GRIN3A: variants seen among roughly 807,000 people sequenced by gnomAD.
GRIN3A encodes the protein glutamate receptor ionotropic, NMDA 3A.
Under a neutral mutation model 92.4 loss-of-function variants are expected in GRIN3A, and 47 were observed. The ratio of observed to expected loss-of-function variants is 0.51; its 90% CI spans 0.40 to 0.65. The LOEUF (loss-of-function observed/expected upper bound fraction) is 0.65, where lower values mean the gene tolerates loss of function less well. GRIN3A is among the 30% of genes least tolerant of loss of function. GRIN3A has a pLI of 0.00. For missense variants in GRIN3A, 1,324 were observed against 1,393.1 expected (o/e 0.95, Z 0.79); for synonymous variants, 527 against 540.6 (o/e 0.97, Z 0.35).
At position 101,686,777 on chromosome 9, in the gene GRIN3A, T is replaced by C; in HGVS notation, c.1123A>G (p.Ile375Val). The C allele has an allele frequency of 6.2e-7, 1 of 1,614,160 alleles. No homozygotes were observed. Among genetic ancestry groups the C allele is most frequent in the Non-Finnish European group, 8.5e-7 (1 of 1,180,010 alleles). ...GACTGTGTTGTTTTTCCATGAGCAA[T>C]GAGCCCTAAGGGCAGACCCTCTGTC... Reference protein sequence around the residue: ...LRTEGLPLGLIAHGKTTQSVF... With the variant: ...LRTEGLPLGLVAHGKTTQSVF... The change falls in exon 2 of 9, where the codon ATT becomes GTT. Residue 375 changes from isoleucine to valine, a missense_variant. Coordinates refer to ENST00000361820, the MANE Select transcript of GRIN3A (RefSeq NM_133445.3).
intron 3 of GRIN3A, among the ~76,000 whole-genome samples, chr9:101,654,673 C>T (rs7031570): frequency 0.47 from 71,146 of 150,968 alleles, 16,904 homozygotes; most frequent in Middle Eastern, 0.53. Flanking sequence ...CTCTTTTCCT[C>T]CATAATTTTA....
At chr9:101,620,851 G>A (rs1353141307) in intron 5 of GRIN3A, among the ~76,000 whole-genome samples, 1 of 151,908 alleles carries the variant, frequency 6.6e-6, no homozygotes, top group Admixed American at 6.6e-5. Flanking sequence ...CTTAAATGTT[G>A]TCAAAGGATA....
chr9:101,616,914 A>T (rs1828464201), intron 5 of GRIN3A, among the ~76,000 whole-genome samples: 1 of 151,064 alleles, frequency 6.6e-6, no homozygotes, highest in Non-Finnish European at 1.5e-5. Flanking sequence ...AAAAAGGAAC[A>T]AAAGGGCCGG....
intron 3 of GRIN3A, among the ~76,000 whole-genome samples, chr9:101,644,333 A>G (rs981416644): frequency 1.3e-5 from 2 of 151,854 alleles, no homozygotes; most frequent in African/African-American, 4.8e-5. Flanking sequence ...TTAATTAAAA[A>G]TCTTTGGTTT....
rs1212635131 is a variant in GRIN3A, at chr9:101,738,287, C to T, written c.-308G>A. ...TGGAGCGCCCGTTCCCTGCCCGCCC[C>T]ATCTGCAGGGCGCCTCGGGCACTGC... On this transcript the variant is annotated 5_prime_UTR_variant, in exon 1 of 9. It removes an upstream start codon present in the reference 5' UTR. Coordinates refer to ENST00000361820, the MANE Select transcript of GRIN3A (RefSeq NM_133445.3). 8 of 428,754 alleles carry T rather than the reference C, an allele frequency of 1.9e-5. No individual in the cohort carries two copies. Among genetic ancestry groups the T allele is most frequent in the Admixed American group, 4.1e-5 (1 of 24,284 alleles). 26.6% of individuals were successfully genotyped at this position (428,754 alleles called of 1,614,324 possible).
chr9:101,663,559 G>GTA (rs1829202848), intron 3 of GRIN3A, among the ~76,000 whole-genome samples: 1 of 151,658 alleles, frequency 6.6e-6, no homozygotes, highest in Admixed American at 6.6e-5. Flanking sequence ...CCTTCTTTGT[G>GTA]GCAGCTTTCA....
At chr9:101,719,573 C>T (rs1829986926) in intron 1 of GRIN3A, among the ~76,000 whole-genome samples, 1 of 152,084 alleles carries the variant, frequency 6.6e-6, no homozygotes, top group Non-Finnish European at 1.5e-5. Flanking sequence ...CTGATCTCTC[C>T]TAGAGTTACT....
At position 101,681,389 on chromosome 9, in the gene GRIN3A, C is replaced by T. The variant is rs200866507; in HGVS notation, c.1304+5207G>A. 9.2e-5 allele frequency among the ~76,000 whole-genome samples: 14 copies of T among 152,316 alleles called. No homozygotes were observed. In the East Asian group the frequency reaches 2.7e-3, roughly 29 times the overall value. On this transcript the variant is annotated intron_variant, in intron 2 of 8. Coordinates refer to ENST00000361820, the MANE Select transcript of GRIN3A (RefSeq NM_133445.3). ...TAATGTTCTGCCATTCAGTTGACAT[C>T]CGCTCTGCATATAAAATGCAAATGC...
intron 1 of GRIN3A, among the ~76,000 whole-genome samples, chr9:101,695,367 C>T (rs1050833197): frequency 7.2e-5 from 11 of 151,962 alleles, no homozygotes; most frequent in African/African-American, 2.4e-4. Context: ...ATTATCAGCA[C>T]CAAGAAACAA....
intron 1 of GRIN3A, among the ~76,000 whole-genome samples, chr9:101,699,426 T>G (rs759077605): frequency 3.9e-5 from 6 of 152,152 alleles, no homozygotes; most frequent in Non-Finnish European, 7.4e-5. Context: ...ATAAACAGTA[T>G]AGTAAATACT....
rs142403692 is a variant in GRIN3A at position 101,594,777 on chromosome 9, G to C, written c.2767-15417C>G. ...CGCCGCACCAACGGGTTGTGGCGCA[G>C]CTCCGGCAGGGACATGAACTCCTCC... On this transcript the variant is annotated intron_variant, in intron 6 of 8. Coordinates refer to ENST00000361820, the MANE Select transcript of GRIN3A (RefSeq NM_133445.3). The C allele has an allele frequency of 1.3e-4, 207 of 1,613,850 alleles. No individual in the cohort carries two copies. In the Middle Eastern group the frequency reaches 2.6e-3, roughly 21 times the overall value.
At chr9:101,642,786 C>T (rs1011082116) in intron 3 of GRIN3A, among the ~76,000 whole-genome samples, 1 of 152,064 alleles carries the variant, frequency 6.6e-6, no homozygotes, top group African/African-American at 2.4e-5. Flanking sequence ...TTGTGAACCC[C>T]ACGTGCGAGG....
chr9:101,596,444 G>T (rs1387813251), intron 6 of GRIN3A, among the ~76,000 whole-genome samples: 1 of 152,130 alleles, frequency 6.6e-6, no homozygotes, highest in Non-Finnish European at 1.5e-5. Context: ...CAATATTAAG[G>T]ATACCACCTT....
At chr9:101,596,700 C>T (rs1828138185) in intron 6 of GRIN3A, among the ~76,000 whole-genome samples, 1 of 152,130 alleles carries the variant, frequency 6.6e-6, no homozygotes, top group Non-Finnish European at 1.5e-5. Context: ...TGTCTTTGAC[C>T]ACAGTGTAGT....
chr9:101,676,811 T>C (rs1231857533), intron 2 of GRIN3A, among the ~76,000 whole-genome samples: 1 of 151,976 alleles, frequency 6.6e-6, no homozygotes, highest in African/African-American at 2.4e-5. Context: ...CCCAGCTCAA[T>C]AAAGTCCTTA....
At chr9:101,611,700 C>T (rs1349896796) in intron 6 of GRIN3A, among the ~76,000 whole-genome samples, 2 of 152,186 alleles carry the variant, frequency 1.3e-5, no homozygotes, top group African/African-American at 2.4e-5. Context: ...CAAGCTCTCA[C>T]AGTTTAATGA....
chr9:101,615,487 G>T (rs1828433592), intron 5 of GRIN3A, among the ~76,000 whole-genome samples: 1 of 151,028 alleles, frequency 6.6e-6, no homozygotes, highest in Non-Finnish European at 1.5e-5. Flanking sequence ...CTCTTGAGTG[G>T]CTGGGACTAC....
chr9:101,661,182 G>A (rs1303899147), intron 3 of GRIN3A, among the ~76,000 whole-genome samples: 1 of 151,854 alleles, frequency 6.6e-6, no homozygotes, highest in East Asian at 1.9e-4. Context: ...GCAGACAGCA[G>A]CAGCACATGT....
intron 2 of GRIN3A, among the ~76,000 whole-genome samples, chr9:101,685,308 CTTTT>C (rs35028586): frequency 8.7e-6 from 1 of 115,230 alleles, no homozygotes; most frequent in Non-Finnish European, 1.8e-5. Flanking sequence ...TTTATCATGT[CTTTT>C]TTTTTTTTTT....
Sources: allele counts gnomAD v4.1 joint callset (sites outside exome capture counted in the v4.1 genomes callset), GRCh38; gene constraint gnomAD v4.1.1; transcripts MANE v1.5; gene names NCBI Gene and HGNC (gene_info 2026-07-23, HGNC 2026-07-21).